DPP6: variants seen among roughly 807,000 people sequenced by gnomAD.
DPP6 encodes A-type potassium channel modulatory protein DPP6.
DPP6 carries 69 observed loss-of-function variants against 122.6 expected under a neutral mutation model. The observed-to-expected ratio is 0.56, with a 90% CI of 0.46 to 0.69. The LOEUF (loss-of-function observed/expected upper bound fraction) is 0.69, where lower values mean the gene tolerates loss of function less well. Among genes scored for constraint, DPP6 ranks in the 30% least tolerant of loss-of-function variants. The probability of loss-of-function intolerance (pLI) is 0.00; values close to 1 mark genes in which losing one functional copy is unlikely to be tolerated. For missense variants in DPP6, 928 were observed against 1,116.9 expected (o/e 0.83, Z 2.41); for synonymous variants, 418 against 433.1 (o/e 0.97, Z 0.43).
chr7:154,566,937 C>A, intron 5 of DPP6, 21 bp downstream of exon 5: 3 of 1,544,452 alleles, frequency 1.9e-6, no homozygotes, highest in Non-Finnish European at 1.8e-6. Flanking sequence ...TCCTTTACTG[C>A]CTACAAAATA....
At chr7:154,390,255 G>T (rs1814500601) in intron 1 of DPP6, among the ~76,000 whole-genome samples, 1 of 152,230 alleles carries the variant, frequency 6.6e-6, no homozygotes, top group Non-Finnish European at 1.5e-5. Context: ...GACAGGTTCA[G>T]TATTCCACTG....
chr7:154,533,409 T>C (rs376928378), intron 3 of DPP6, among the ~76,000 whole-genome samples: 1 of 152,212 alleles, frequency 6.6e-6, no homozygotes, highest in South Asian at 2.1e-4. Context: ...CTGAAGCAGC[T>C]CTATTTCGGT....
chr7:153,838,049 C>T, the DPP6 span, among the ~76,000 whole-genome samples: 1 of 151,816 alleles, frequency 6.6e-6, no homozygotes, highest in African/African-American at 2.4e-5. Context: ...AGAGCTACTT[C>T]AGAAAAGAAA....
chr7:154,765,781 C>T (rs976501584), intron 8 of DPP6, among the ~76,000 whole-genome samples: 4 of 152,144 alleles, frequency 2.6e-5, no homozygotes, highest in Non-Finnish European at 1.5e-5. Context: ...GATGTATTCT[C>T]TAGTTTTCCC....
intron 1 of DPP6, among the ~76,000 whole-genome samples, chr7:154,042,869 A>T (rs1443215645): frequency 6.6e-6 from 1 of 152,208 alleles, no homozygotes; most frequent in Non-Finnish European, 1.5e-5. Flanking sequence ...CCAACATTCC[A>T]CTTTAATCAG....
rs150263817 is a variant in DPP6 at position 154,487,523 on chromosome 7, A to G, written c.457+12486A>G. ...CAGCCCCAGCAGCCCACAGACCAGG[A>G]TGCAGGAGTTTGTTTTACTTTAGTT... On this transcript the variant is annotated intron_variant, in intron 3 of 25. Transcript: ENST00000377770. 1.8e-3 allele frequency among the ~76,000 whole-genome samples: 269 copies of G among 152,344 alleles called. 1 individual carries two copies. The highest frequency in any genetic ancestry group is 3.4e-3 in the Middle Eastern group (1 of 294).
At chr7:154,434,150 T>C (rs577973272) in intron 1 of DPP6, among the ~76,000 whole-genome samples, 5 of 152,340 alleles carry the variant, frequency 3.3e-5, no homozygotes, top group Admixed American at 3.3e-4. Context: ...TGAATTTTGT[T>C]TAAGATAGAA....
At chr7:154,237,164 G>A (rs1563351457) in intron 1 of DPP6, among the ~76,000 whole-genome samples, 1 of 152,230 alleles carries the variant, frequency 6.6e-6, no homozygotes, top group Non-Finnish European at 1.5e-5. Flanking sequence ...AGCCAGAGGA[G>A]GGGCAGAGTT....
chr7:153,953,209 T>A (rs1802302542), intron 1 of DPP6, among the ~76,000 whole-genome samples: 1 of 152,144 alleles, frequency 6.6e-6, no homozygotes, highest in Admixed American at 6.6e-5. Flanking sequence ...TTCCTTTAAA[T>A]TTCCAGAGTG....
intron 1 of DPP6, among the ~76,000 whole-genome samples, chr7:154,299,260 C>T (rs1487561322): frequency 6.6e-6 from 1 of 152,224 alleles, no homozygotes; most frequent in Non-Finnish European, 1.5e-5. Context: ...ACCACGCAGA[C>T]CCAGCAGCTT....
At chr7:154,406,995 C>T (rs286839) in intron 1 of DPP6, among the ~76,000 whole-genome samples, 22,242 of 152,138 alleles carry the variant, frequency 0.15, 1,656 homozygotes, top group South Asian at 0.17. Flanking sequence ...TCAGCTTTTC[C>T]ATCAGTACAC....
chr7:154,355,267 A>T (rs1340406397), intron 1 of DPP6, among the ~76,000 whole-genome samples: 1 of 152,196 alleles, frequency 6.6e-6, no homozygotes, highest in Non-Finnish European at 1.5e-5. Flanking sequence ...TTATTTATAT[A>T]TTCTAGGTAT....
Position 154,311,499 on chromosome 7 carries a change from C to CA in DPP6, c.244-134703dup, listed in dbSNP as rs112674195. ...GCAATGGAGTGAAACCCTGTCTCCA[C>CA]AAAAAAAAAAAAGAAAAAGAAAAAG... On this transcript the variant is annotated intron_variant, in intron 1 of 25. Coordinates refer to ENST00000377770, the MANE Select transcript of DPP6 (RefSeq NM_130797.4). Among the ~76,000 whole-genome samples the CA allele has an allele frequency of 4.4e-3, 582 of 133,262 alleles. 1 individual carries two copies. The highest frequency in any genetic ancestry group is 5.8e-3 in the African/African-American group (217 of 37,438). 87.4% of individuals were successfully genotyped at this position (133,262 alleles called of 152,430 possible).
At chr7:154,887,072 C>T (rs893988400) in intron 22 of DPP6, among the ~76,000 whole-genome samples, 1 of 152,194 alleles carries the variant, frequency 6.6e-6, no homozygotes, top group Non-Finnish European at 1.5e-5. Flanking sequence ...TTCAAATGCA[C>T]ACAAAAGCTG....
At chr7:154,250,128 G>A (rs1473385935) in intron 1 of DPP6, among the ~76,000 whole-genome samples, 2 of 152,050 alleles carry the variant, frequency 1.3e-5, no homozygotes, top group African/African-American at 4.8e-5. Context: ...AATTGATCAC[G>A]ACCCTCTCAA....
At position 154,853,885 on chromosome 7, in the gene DPP6, C is replaced by T. The variant is rs113314303; in HGVS notation, c.1714+58C>T. ...GAGACTCAGGAGAAAGGAAGCAAAA[C>T]ACTCTATGAGATCAGCTGGCCCACA... On this transcript the variant is annotated intron_variant, in intron 17 of 25. Coordinates refer to ENST00000377770, the MANE Select transcript of DPP6 (RefSeq NM_130797.4). The T allele has an allele frequency of 5.0e-4, 809 of 1,604,570 alleles. 6 individuals carry two copies. In the African/African-American group the frequency reaches 9.4e-3, roughly 19 times the overall value.
chr7:154,665,488 A>G (rs991335972), intron 6 of DPP6, among the ~76,000 whole-genome samples: 1 of 152,092 alleles, frequency 6.6e-6, no homozygotes, highest in Non-Finnish European at 1.5e-5. Flanking sequence ...ATAAACCCCT[A>G]TTTTTTTAGT....
intron 1 of DPP6, among the ~76,000 whole-genome samples, chr7:154,147,505 G>A (rs1040930394): frequency 2.8e-5 from 4 of 142,456 alleles, no homozygotes; most frequent in Non-Finnish European, 6.0e-5. Flanking sequence ...TTTTTCTGTC[G>A]GAGTCTTACT....
At chr7:154,373,259 T>C (rs925313209) in intron 1 of DPP6, among the ~76,000 whole-genome samples, 1 of 152,202 alleles carries the variant, frequency 6.6e-6, no homozygotes, top group Non-Finnish European at 1.5e-5. Context: ...TCCTAATTAA[T>C]TCATTTTTCT....
Sources: allele counts gnomAD v4.1 joint callset (sites outside exome capture counted in the v4.1 genomes callset), GRCh38; gene constraint gnomAD v4.1.1; transcripts MANE v1.5; gene names NCBI Gene and HGNC (gene_info 2026-07-23, HGNC 2026-07-21).